The following OAF variants were observed in gnomAD, a reference collection of about 807,000 sequenced individuals.
The protein encoded by OAF is out at first homolog.
A neutral mutation model predicts 22.5 loss-of-function variants in OAF; 13 were observed. The ratio of observed to expected loss-of-function variants is 0.58; its 90% CI spans 0.38 to 0.92. OAF has a LOEUF of 0.92. OAF is among the 40% of genes least tolerant of loss of function. The pLI, the probability that OAF is intolerant of heterozygous loss-of-function variation, is 0.00. For missense variants in OAF, 347 were observed against 381.8 expected, an observed-to-expected ratio of 0.91 and a Z score of 0.76; for synonymous variants, 175 against 170.5, an observed-to-expected ratio of 1.03 and a Z score of -0.21.
At chr11:120,227,511 C>T (rs940748246) in intron 3 of OAF, among the ~76,000 whole-genome samples, 1 of 152,130 alleles carries the variant, frequency 6.6e-6, no homozygotes, top group African/African-American at 2.4e-5. Context: ...GGCACAAGGA[C>T]ACCCTGCCCC....
At chr11:120,212,070 T>C (rs1324299819) in intron 1 of OAF, among the ~76,000 whole-genome samples, 1 of 152,152 alleles carries the variant, frequency 6.6e-6, no homozygotes, top group Admixed American at 6.5e-5. Context: ...AGAAGCCCTG[T>C]CTCCTCTTTG....
chr11:120,228,836 C>G, intron 3 of OAF, 32 bp from the exon 4 acceptor site: 1 of 1,081,292 alleles, frequency 9.2e-7, no homozygotes, highest in South Asian at 1.4e-5. Context: ...CCCTCCCTCC[C>G]TCCCTCCCTG....
intron 3 of OAF, 21 bp from the exon 4 acceptor site, chr11:120,228,845 TGA>T: frequency 9.7e-6 from 3 of 309,926 alleles, no homozygotes; most frequent in East Asian, 9.1e-5. Flanking sequence ...CCTCCCTCCC[TGA>T]TCCTTGCCTC....
At chr11:120,227,060 G>C (rs1227259967) in intron 3 of OAF, 64 bp downstream of exon 3, 1 of 1,196,504 alleles carries the variant, frequency 8.4e-7, no homozygotes, top group Non-Finnish European at 1.2e-6. Flanking sequence ...AGACAGCACA[G>C]AGCAGTGGAG....
At position 120,229,383 on chromosome 11, in the gene OAF, G is replaced by GC; in HGVS notation, c.*241_*242insC. 7.4e-6 allele frequency: 2 copies of GC among 271,116 alleles called. No homozygotes were observed. Among genetic ancestry groups the GC allele is most frequent in the South Asian group, 3.2e-4 (2 of 6,230 alleles). The allele number at this position is 271,116 out of a possible 1,614,324, so 16.8% of individuals were successfully genotyped here. ...TCCTTGCGGGCAGAGAGGGAGAGAA[G>GC]GGCTCCCCAGATCTACACCCCTCCC... On this transcript the variant is annotated 3_prime_UTR_variant, in exon 4 of 4. Coordinates refer to ENST00000328965, the MANE Select transcript of OAF (RefSeq NM_178507.4).
rs778714800 is a variant in OAF at position 120,229,099 on chromosome 11, A to G, written c.779A>G (p.Gln260Arg). 1.2e-6 allele frequency: 2 copies of G among 1,613,538 alleles called. No homozygotes were observed. The highest frequency in any genetic ancestry group is 1.7e-6 in the Non-Finnish European group (2 of 1,179,922). ...KSYSFDFYVP[Q>R]RQLCLWDEDP... Reference sequence around the variant, plus strand: ...TACAGCTTCGACTTCTACGTGCCCCAGAGGCAGCTGTGTCTCTGGGATGAG... The same window carrying G: ...TACAGCTTCGACTTCTACGTGCCCCGGAGGCAGCTGTGTCTCTGGGATGAG... The change falls in exon 4 of 4, where the codon CAG (glutamine) becomes CGG (arginine). Residue 260 changes from glutamine to arginine, a missense_variant. Physicochemically the swap from Gln to Arg is conservative, Grantham distance 43 (BLOSUM62 1). Transcript: ENST00000328965.
At position 120,219,558 on chromosome 11, in the gene OAF, G is replaced by A. The variant is rs80268112; in HGVS notation, c.232-6103G>A. Among the ~76,000 whole-genome samples the A allele has an allele frequency of 1.8e-4, 27 of 152,272 alleles. No individual in the cohort carries two copies. The South Asian group carries it at 4.8e-3, about 27-fold the overall frequency. ...GATGTCTGCCCAGGGGTGCTCTGCC[G>A]TCTCTCAGCGCATTCCCCCAGTGCA... On this transcript the variant is annotated intron_variant, in intron 1 of 3. Transcript: ENST00000328965.
At position 120,229,090 on chromosome 11, in the gene OAF, A is replaced by C. The variant is rs11545299; in HGVS notation, c.770A>C (p.Tyr257Ser). 6.2e-7 allele frequency: 1 copy of C among 1,613,686 alleles called. No individual in the cohort carries two copies. Among genetic ancestry groups the C allele is most frequent in the South Asian group, 1.1e-5 (1 of 91,084 alleles). The change falls in exon 4 of 4, where the codon TAC becomes TCC. Residue 257 changes from tyrosine (Y) to serine (S), a missense_variant. Coordinates refer to ENST00000328965, the MANE Select transcript of OAF (RefSeq NM_178507.4). Reference sequence around the variant, plus strand: ...CAGAAGAGCTACAGCTTCGACTTCTACGTGCCCCAGAGGCAGCTGTGTCTC... The same window carrying C: ...CAGAAGAGCTACAGCTTCGACTTCTCCGTGCCCCAGAGGCAGCTGTGTCTC... ...SCQKSYSFDF[Y>S]VPQRQLCLWD...
intron 3 of OAF, among the ~76,000 whole-genome samples, chr11:120,227,244 G>A (rs1236125878): frequency 6.6e-6 from 1 of 151,888 alleles, no homozygotes; most frequent in African/African-American, 2.4e-5. Context: ...AGAGTTAAGT[G>A]TGATAGAATA....
At position 120,211,206 on chromosome 11, in the gene OAF, G is replaced by T. The variant is rs1420438874; in HGVS notation, c.-74G>T. The T allele has an allele frequency of 6.7e-6, 7 of 1,051,120 alleles. No homozygotes were observed. Among genetic ancestry groups the T allele is most frequent in the South Asian group, 4.7e-5 (1 of 21,228 alleles). 65.1% of individuals were successfully genotyped at this position (1,051,120 alleles called of 1,614,324 possible). A position where few individuals can be genotyped will look rare whatever the true frequency, so the allele number is the denominator to read the frequency against. ...GCGCCCCGAACTAGCCCCCAACTTT[G>T]GGCGAAGTTTGCCTGCGCCTCTCCC... On this transcript the variant is annotated 5_prime_UTR_variant, in exon 1 of 4. Transcript: ENST00000328965.
intron 1 of OAF, among the ~76,000 whole-genome samples, chr11:120,213,189 C>A (rs574585789): frequency 1.5e-4 from 23 of 151,788 alleles, no homozygotes; most frequent in African/African-American, 5.3e-4. Context: ...TTAGCTACAT[C>A]TGGAAGGTTT....
At position 120,230,167 on chromosome 11, in the gene OAF, G is replaced by GT. The variant is rs1938418572; in HGVS notation, c.*1026dup. The GT allele has an allele frequency of 2.0e-5, 3 of 152,200 alleles. No individual in the cohort carries two copies. Among genetic ancestry groups the GT allele is most frequent in the Non-Finnish European group, 4.4e-5 (3 of 68,052 alleles). 9.4% of individuals were successfully genotyped at this position (152,200 alleles called of 1,614,324 possible). ...CAATGAGACAGACATAGCTGCAACCGTAGTAAGCCAGTCAGAAATAGCCAG... is the reference window on the plus strand; with the variant it reads ...CAATGAGACAGACATAGCTGCAACCGTTAGTAAGCCAGTCAGAAATAGCCAG... On this transcript the variant is annotated 3_prime_UTR_variant, in exon 4 of 4. Coordinates refer to ENST00000328965, the MANE Select transcript of OAF (RefSeq NM_178507.4).
At chr11:120,219,716 C>T (rs2135093132) in intron 1 of OAF, among the ~76,000 whole-genome samples, 1 of 152,310 alleles carries the variant, frequency 6.6e-6, no homozygotes, top group East Asian at 1.9e-4. Context: ...GCATGAAGAT[C>T]ACTGGACTCA....
In OAF at chr11:120,229,371, A is replaced by AAT; in HGVS notation, c.*229_*230insAT. ...CACCCTGTGCCTTCCTTGCGGGCAGAGAGGGAGAGAAGGGCTCCCCAGATC... is the reference window on the plus strand; with the variant it reads ...CACCCTGTGCCTTCCTTGCGGGCAGAATGAGGGAGAGAAGGGCTCCCCAGATC... On this transcript the variant is annotated 3_prime_UTR_variant, in exon 4 of 4. Transcript: ENST00000328965. 1 of 422,852 alleles carries AAT rather than the reference A, an allele frequency of 2.4e-6. No individual in the cohort carries two copies. The highest frequency in any genetic ancestry group is 4.2e-6 in the Non-Finnish European group (1 of 240,736). 26.2% of individuals were successfully genotyped at this position (422,852 alleles called of 1,614,324 possible).
intron 1 of OAF, among the ~76,000 whole-genome samples, chr11:120,218,457 C>G (rs1321636442): frequency 6.6e-6 from 1 of 152,196 alleles, no homozygotes; most frequent in Admixed American, 6.5e-5. Flanking sequence ...GCTAAACCCC[C>G]TCTCCCCTCC....
Position 120,211,264 on chromosome 11 carries a change from G to A in OAF, c.-16G>A, listed in dbSNP as rs1293562845. On this transcript the variant is annotated 5_prime_UTR_variant, in exon 1 of 4. Coordinates refer to ENST00000328965, the MANE Select transcript of OAF (RefSeq NM_178507.4). ...ACGCGGCGCGCCGGGGCCGCGGACG[G>A]CAGCGGCCCCCGGGGATGCGCCTTC... 5 of 1,196,954 alleles carry A rather than the reference G, an allele frequency of 4.2e-6. No individual in the cohort carries two copies. Among genetic ancestry groups the A allele is most frequent in the East Asian group, 7.0e-5 (2 of 28,420 alleles). 74.1% of individuals were successfully genotyped at this position (1,196,954 alleles called of 1,614,324 possible). A position where few individuals can be genotyped will look rare whatever the true frequency, so the allele number is the denominator to read the frequency against.
intron 3 of OAF, 43 bp from the exon 4 acceptor site, chr11:120,228,825 T>TGCCAAC: frequency 6.9e-6 from 3 of 434,174 alleles, no homozygotes; most frequent in Non-Finnish European, 1.4e-5. Context: ...GCTCCTTCCC[T>TGCCAAC]CCCTCCCTCC....
At chr11:120,218,664 A>AG (rs935482630) in intron 1 of OAF, among the ~76,000 whole-genome samples, 1 of 152,156 alleles carries the variant, frequency 6.6e-6, no homozygotes, top group African/African-American at 2.4e-5. Flanking sequence ...GAAGAATGGG[A>AG]GGGGGCCAAG....
chr11:120,211,251 G>C lies in OAF; in HGVS notation c.-29G>C. On this transcript the variant is annotated 5_prime_UTR_variant, in exon 1 of 4. Transcript: ENST00000328965. ...TCTCCCCGCCCCCACGCGGCGCGCC[G>C]GGGCCGCGGACGGCAGCGGCCCCCG... The C allele has an allele frequency of 1.7e-6, 2 of 1,179,594 alleles. No individual in the cohort carries two copies. The highest frequency in any genetic ancestry group is 3.7e-5 in the East Asian group (1 of 26,942). 73.1% of individuals were successfully genotyped at this position (1,179,594 alleles called of 1,614,324 possible). A position where few individuals can be genotyped will look rare whatever the true frequency, so the allele number is the denominator to read the frequency against.
Sources: allele counts gnomAD v4.1 joint callset (sites outside exome capture counted in the v4.1 genomes callset), GRCh38; gene constraint gnomAD v4.1.1; transcripts MANE v1.5; gene names NCBI Gene and HGNC (gene_info 2026-07-23, HGNC 2026-07-21).